Variants in FBN1 observed in about 807,000 individuals in gnomAD.
FBN1 encodes fibrillin-1.
FBN1 carries 29 observed loss-of-function variants against 365.1 expected under a neutral mutation model. The observed-to-expected ratio is 0.08, with a 90% CI of 0.06 to 0.11. The LOEUF (loss-of-function observed/expected upper bound fraction) is 0.11, where lower values mean the gene tolerates loss of function less well. FBN1 is among the 10% of genes least tolerant of loss of function. The pLI, the probability that FBN1 is intolerant of heterozygous loss-of-function variation, is 1.00. For missense variants in FBN1, 2,476 were observed against 3,703.2 expected (o/e 0.67, Z 8.60); for synonymous variants, 1,210 against 1,270.5 (o/e 0.95, Z 1.01).
At chr15:48,442,830 G>A (rs1339109273) in intron 49 of FBN1, among the ~76,000 whole-genome samples, 1 of 152,136 alleles carries the variant, frequency 6.6e-6, no homozygotes, top group African/African-American at 2.4e-5. Context: ...GAACAAAGTG[G>A]TAAGTCTTAA....
At chr15:48,517,504 C>G (rs975303985) in intron 10 of FBN1, among the ~76,000 whole-genome samples, 5 of 152,208 alleles carry the variant, frequency 3.3e-5, no homozygotes, top group Non-Finnish European at 7.3e-5. Context: ...ATCTGCTTCC[C>G]TATGATTCTA....
chr15:48,596,144 C>T (rs914870274), intron 6 of FBN1, 139 bp downstream of exon 6: 15 of 774,354 alleles, frequency 1.9e-5, no homozygotes, highest in East Asian at 1.3e-4. Flanking sequence ...TCCTAGGGAC[C>T]TTCCCAATGA....
Position 48,589,769 on chromosome 15 carries a change from A to G in FBN1, c.538+6514T>C, listed in dbSNP as rs2044463708. Among the ~76,000 whole-genome samples, 3 of 151,946 alleles carry G rather than the reference A, an allele frequency of 2.0e-5. No individual in the cohort carries two copies. In the South Asian group the frequency reaches 6.3e-4, roughly 32 times the overall value. ...ACTGGGACTATAGGTGCCCACCACC[A>G]CGCCCGGCTAATTTTGTTTTTCTAT... is the stretch of plus-strand genomic sequence containing the variant. On this transcript the variant is annotated intron_variant, in intron 6 of 65. Transcript: ENST00000316623.
At chr15:48,596,447 C>G in intron 5 of FBN1, 69 bp from the exon 6 acceptor site, 2 of 1,423,124 alleles carry the variant, frequency 1.4e-6, no homozygotes, top group Non-Finnish European at 2.0e-6. Context: ...CACTTGTGGT[C>G]CTCTGGAAGG....
At chr15:48,496,260 GC>G (rs769321461) in intron 19 of FBN1, 35 bp from the exon 20 acceptor site, 4 of 1,612,738 alleles carry the variant, frequency 2.5e-6, no homozygotes, top group Non-Finnish European at 3.4e-6. Context: ...CTTAAAAAGG[GC>G]CCAAACTTTG....
chr15:48,513,000 G>T (rs530329573), intron 13 of FBN1, among the ~76,000 whole-genome samples: 1 of 152,256 alleles, frequency 6.6e-6, no homozygotes, highest in East Asian at 1.9e-4. Context: ...TTATAGCAGT[G>T]CTTCTCAAAC....
chr15:48,529,763 A>T (rs2043951953), intron 8 of FBN1: 1 of 152,600 alleles, frequency 6.6e-6, no homozygotes, highest in Non-Finnish European at 1.5e-5. Context: ...ATCACTAAAA[A>T]CTAAACAAGC....
rs144339604 is a variant in FBN1, at chr15:48,487,313, G to A, written c.3462C>T (p.Ile1154=). 1.5e-5 allele frequency: 25 copies of A among 1,614,058 alleles called. No individual in the cohort carries two copies. The highest frequency in any genetic ancestry group is 3.3e-4 in the Middle Eastern group (2 of 6,084). ...TGGTGTGAAAGTCTTTCTCCTTACC[G>A]ATACACGCGGAGATGTTGGGGGACA... ...HQLSPNISAC[I]DINECELSAH... is the part of the protein sequence containing the mutation. The change falls in exon 28 of 66, where the codon ATC becomes ATT. Residue 1154 remains isoleucine, a splice_region_variant and synonymous_variant. Coordinates refer to ENST00000316623, the MANE Select transcript of FBN1 (RefSeq NM_000138.5).
chr15:48,444,998 A>C (rs1198214698), intron 48 of FBN1, among the ~76,000 whole-genome samples: 1 of 151,518 alleles, frequency 6.6e-6, no homozygotes, highest in Non-Finnish European at 1.5e-5. Context: ...ATATTTAAGA[A>C]GGGAAATCAC....
intron 55 of FBN1, among the ~76,000 whole-genome samples, chr15:48,431,941 C>T (rs1370504667): frequency 4.6e-5 from 7 of 152,158 alleles, no homozygotes; most frequent in African/African-American, 1.7e-4. Context: ...AGGCATAAGC[C>T]ACCGTGCCTG....
chr15:48,585,237 A>C (rs1271342493), intron 6 of FBN1, among the ~76,000 whole-genome samples: 3 of 152,216 alleles, frequency 2.0e-5, no homozygotes, highest in African/African-American at 4.8e-5. Flanking sequence ...AGGGCTCTCT[A>C]AGGACAGAGA....
intron 17 of FBN1, among the ~76,000 whole-genome samples, chr15:48,500,437 G>A (rs2043644893): frequency 6.6e-6 from 1 of 152,198 alleles, no homozygotes; most frequent in Non-Finnish European, 1.5e-5. Flanking sequence ...AGTTTTGGAA[G>A]CAGCCCTTTT....
At chr15:48,466,762 G>A (rs1415843797) in intron 38 of FBN1, among the ~76,000 whole-genome samples, 1 of 152,080 alleles carries the variant, frequency 6.6e-6, no homozygotes, top group Non-Finnish European at 1.5e-5. Context: ...CAAATTAAGT[G>A]TCTTAGTTTG....
At chr15:48,492,071 G>A (rs572978208) in intron 24 of FBN1, among the ~76,000 whole-genome samples, 2 of 152,266 alleles carry the variant, frequency 1.3e-5, no homozygotes, top group South Asian at 2.1e-4. Flanking sequence ...ATCTCCACAG[G>A]TGTTTTTGCA....
At chr15:48,609,808 A>C in intron 4 of FBN1, among the ~76,000 whole-genome samples, 1 of 152,238 alleles carries the variant, frequency 6.6e-6, no homozygotes. Context: ...GGAGTGCTAC[A>C]CAGGACAATT....
At chr15:48,422,668 C>T (rs1433835615) in intron 60 of FBN1, among the ~76,000 whole-genome samples, 1 of 152,222 alleles carries the variant, frequency 6.6e-6, no homozygotes, top group African/African-American at 2.4e-5. Flanking sequence ...TTTAATAAAA[C>T]TGCCTCCAGG....
intron 6 of FBN1, among the ~76,000 whole-genome samples, chr15:48,541,750 G>C (rs547939947): frequency 7.1e-6 from 1 of 140,560 alleles, no homozygotes; most frequent in African/African-American, 2.7e-5. Context: ...TTTTCAGATA[G>C]TCTCAGCATT....
Position 48,435,736 on chromosome 15 carries a change from A to ATG in FBN1, c.6497-1025_6497-1024dup, listed in dbSNP as rs1203977243. The stretch of plus-strand genomic sequence containing the variant: ...TGTGTGTATATATATGTGTATATAT[A>ATG]TGTGTGTATATATATGTGTGTATAT... On this transcript the variant is annotated intron_variant, in intron 53 of 65. Transcript: ENST00000316623. Among the ~76,000 whole-genome samples the ATG allele has an allele frequency of 3.3e-3, 423 of 129,610 alleles. 1 individual carries two copies. The highest frequency in any genetic ancestry group is 7.8e-3 in the Middle Eastern group (2 of 256). 85.0% of individuals were successfully genotyped at this position (129,610 alleles called of 152,430 possible).
chr15:48,453,958 A>G (rs1350327212), intron 44 of FBN1, among the ~76,000 whole-genome samples: 3 of 152,068 alleles, frequency 2.0e-5, no homozygotes, highest in Non-Finnish European at 4.4e-5. Flanking sequence ...GCTCACATCT[A>G]AAAAAAAGTC....
Sources: gnomAD v4.1 joint callset for allele counts (sites outside exome capture counted in the v4.1 genomes callset) on GRCh38, gnomAD v4.1.1 for gene constraint, MANE v1.5 for transcripts, NCBI Gene and HGNC (gene_info 2026-07-23, HGNC 2026-07-21) for gene names.